The following NOL4 variants were observed in gnomAD, a reference collection of about 807,000 sequenced individuals.
The protein encoded by NOL4 is nucleolar protein 4.
A neutral mutation model predicts 75.9 loss-of-function variants in NOL4; 17 were observed. That is an observed-to-expected ratio of 0.22 (90% CI 0.15 to 0.34). The LOEUF is 0.34. Among genes scored for constraint, NOL4 ranks in the 10% least tolerant of loss-of-function variants. The pLI is 1.00. For missense variants in NOL4, 614 were observed against 793.5 expected (o/e 0.77, Z 2.72); for synonymous variants, 292 against 289.9 (o/e 1.01, Z -0.07).
At chr18:34,208,530 CAG>C (rs1371743968) in intron 1 of NOL4, among the ~76,000 whole-genome samples, 1 of 151,824 alleles carries the variant, frequency 6.6e-6, no homozygotes, top group East Asian at 1.9e-4. Context: ...AATATACAAA[CAG>C]ACACATATAC....
intron 1 of NOL4, among the ~76,000 whole-genome samples, chr18:34,184,542 A>G (rs2034307893): frequency 6.6e-6 from 1 of 152,076 alleles, no homozygotes; most frequent in Non-Finnish European, 1.5e-5. Flanking sequence ...ATGATGGAAA[A>G]GGAGTCAAGG....
At chr18:34,054,427 G>A (rs923122413) in intron 5 of NOL4, among the ~76,000 whole-genome samples, 3 of 151,662 alleles carry the variant, frequency 2.0e-5, no homozygotes, top group East Asian at 1.9e-4. Context: ...TATTTTCTTG[G>A]CAAATTGGCC....
chr18:34,049,072 GCGCACACACACA>G (rs1244723669), intron 5 of NOL4, among the ~76,000 whole-genome samples: 54 of 126,348 alleles, frequency 4.3e-4, no homozygotes, highest in Non-Finnish European at 3.9e-4. Context: ...ATACAGGCGC[GCGCACACACACA>G]CACACACACA....
chr18:34,099,312 G>A (rs1041816277), intron 4 of NOL4, among the ~76,000 whole-genome samples: 46 of 137,516 alleles, frequency 3.3e-4, no homozygotes, highest in African/African-American at 1.2e-3. Flanking sequence ...GCAGTGAGCC[G>A]AGATCGCGCC....
chr18:33,871,595 C>G (rs2063703290), intron 10 of NOL4, among the ~76,000 whole-genome samples: 1 of 151,984 alleles, frequency 6.6e-6, no homozygotes, highest in Non-Finnish European at 1.5e-5. Flanking sequence ...GAGCCCATGT[C>G]ACCTGGAAAG....
chr18:34,008,866 G>T (rs2074210213), intron 6 of NOL4, among the ~76,000 whole-genome samples: 1 of 151,976 alleles, frequency 6.6e-6, no homozygotes, highest in Admixed American at 6.6e-5. Context: ...GCAATGAGAA[G>T]AAATTACCAG....
At chr18:34,018,852 T>G (rs1032607972) in intron 6 of NOL4, among the ~76,000 whole-genome samples, 1 of 152,198 alleles carries the variant, frequency 6.6e-6, no homozygotes, top group Non-Finnish European at 1.5e-5. Flanking sequence ...AGTTATTTAG[T>G]GTCCACAAAG....
intron 1 of NOL4, among the ~76,000 whole-genome samples, chr18:34,150,944 G>C (rs142029668): frequency 6.6e-6 from 1 of 151,782 alleles, no homozygotes; most frequent in East Asian, 1.9e-4. Flanking sequence ...CAAAAGATCT[G>C]AACAGACACC....
intron 5 of NOL4, 148 bp downstream of exon 5, chr18:34,093,317 T>C (rs769126905): frequency 1.5e-5 from 11 of 726,384 alleles, no homozygotes; most frequent in East Asian, 5.5e-5. Flanking sequence ...GTGGATGATA[T>C]AACCTAAATA....
intron 1 of NOL4, among the ~76,000 whole-genome samples, chr18:34,207,198 T>A (rs1406459071): frequency 2.0e-5 from 3 of 152,226 alleles, no homozygotes; most frequent in Non-Finnish European, 2.9e-5. Context: ...AGGGTTGACA[T>A]CTTCTGATTT....
intron 4 of NOL4, among the ~76,000 whole-genome samples, chr18:34,094,343 G>C (rs1361830040): frequency 6.6e-6 from 1 of 152,136 alleles, no homozygotes; most frequent in Non-Finnish European, 1.5e-5. Flanking sequence ...ATGTAATGGA[G>C]AGCAAGCTAA....
intron 6 of NOL4, among the ~76,000 whole-genome samples, chr18:33,970,325 G>A (rs1057396882): frequency 4.6e-5 from 7 of 152,054 alleles, no homozygotes; most frequent in Non-Finnish European, 8.8e-5. Context: ...TAAATAAACT[G>A]GTCAGTATCT....
At chr18:33,864,466 A>C (rs2063332972) in intron 10 of NOL4, among the ~76,000 whole-genome samples, 1 of 152,132 alleles carries the variant, frequency 6.6e-6, no homozygotes. Context: ...CCAGTTCCCA[A>C]GAAGTTTCTC....
chr18:33,855,678 T>A (rs947060699), intron 10 of NOL4, among the ~76,000 whole-genome samples: 1 of 152,102 alleles, frequency 6.6e-6, no homozygotes, highest in African/African-American at 2.4e-5. Context: ...AGATATTTCA[T>A]GCTAACATAC....
chr18:34,070,075 A>G (rs1827167198), intron 5 of NOL4, among the ~76,000 whole-genome samples: 3 of 152,226 alleles, frequency 2.0e-5, no homozygotes, highest in South Asian at 2.1e-4. Flanking sequence ...TCAGTCGCCC[A>G]GGCTGGAGTG....
At chr18:33,962,139 C>T (rs752314854) in intron 6 of NOL4, among the ~76,000 whole-genome samples, 8 of 152,206 alleles carry the variant, frequency 5.3e-5, no homozygotes, top group Non-Finnish European at 8.8e-5. Context: ...AGCATAGAGT[C>T]GTGATAGCAT....
In NOL4 at chr18:34,044,782, G is replaced by A. The variant is rs77449779; in HGVS notation, c.773-25181C>T. On this transcript the variant is annotated intron_variant, in intron 5 of 10. Transcript: ENST00000261592. ...AAATTCGTTCCTGCCTCCCATTACC[G>A]CCACTACTCTCTTCAAAAACTCCCT... Among the ~76,000 whole-genome samples the A allele has an allele frequency of 9.7e-3, 1,473 of 152,036 alleles. 27 individuals are homozygous for A. The highest frequency in any genetic ancestry group is 0.034 in the African/African-American group (1,415 of 41,492).
intron 9 of NOL4, among the ~76,000 whole-genome samples, chr18:33,918,676 A>T (rs1034438018): frequency 6.6e-6 from 1 of 152,206 alleles, no homozygotes; most frequent in African/African-American, 2.4e-5. Context: ...TTTTTGAAGA[A>T]TCAGCAAGGC....
intron 1 of NOL4, among the ~76,000 whole-genome samples, chr18:34,149,034 T>G (rs1041505626): frequency 2.0e-5 from 3 of 151,746 alleles, no homozygotes; most frequent in Non-Finnish European, 4.4e-5. Flanking sequence ...CTATCTTTTT[T>G]AGTTATTGTG....
Sources: gnomAD v4.1 joint callset for allele counts (sites outside exome capture counted in the v4.1 genomes callset) on GRCh38, gnomAD v4.1.1 for gene constraint, MANE v1.5 for transcripts, NCBI Gene and HGNC (gene_info 2026-07-23, HGNC 2026-07-21) for gene names.